The following FRMD4A variants were observed in gnomAD, a reference collection of about 807,000 sequenced individuals.
FRMD4A encodes FERM domain containing 4A, also known as FERM domain-containing protein 4A.
Under a neutral mutation model 129.1 loss-of-function variants are expected in FRMD4A, and 29 were observed. The ratio of observed to expected loss-of-function variants is 0.22; its 90% CI spans 0.17 to 0.31. The LOEUF (loss-of-function observed/expected upper bound fraction) is 0.31. Among genes scored for constraint, FRMD4A ranks in the 10% least tolerant of loss-of-function variants. The probability of loss-of-function intolerance (pLI) is 1.00; values close to 1 mark genes in which losing one functional copy is unlikely to be tolerated. For missense variants in FRMD4A, 1,272 were observed against 1,375.8 expected (o/e 0.92, Z 1.19); for synonymous variants, 634 against 571.6 (o/e 1.11, Z -1.56).
At position 14,039,368 on chromosome 10, in the gene FRMD4A, G is replaced by GTCCA. The variant is rs61121735; in HGVS notation, c.46-180460_46-180457dup. ...TGCTCACTTTCTGATCTGTCCGTCC[G>GTCCA]TCCATCCATCCATCCATCCATCCAT... On this transcript the variant is annotated intron_variant, in intron 2 of 24. Coordinates refer to ENST00000357447, the MANE Select transcript of FRMD4A (RefSeq NM_018027.5). Among the ~76,000 whole-genome samples the GTCCA allele has an allele frequency of 7.5e-3, 817 of 109,462 alleles. 16 individuals are homozygous for GTCCA. The highest frequency in any genetic ancestry group is 0.033 in the South Asian group (126 of 3,770). 71.8% of individuals were successfully genotyped at this position (109,462 alleles called of 152,430 possible).
chr10:13,688,006 G>A (rs1026638980), intron 15 of FRMD4A, among the ~76,000 whole-genome samples: 18 of 152,050 alleles, frequency 1.2e-4, no homozygotes, highest in African/African-American at 3.4e-4. Context: ...TCACTACTAC[G>A]GGATTCAGGG....
chr10:14,110,439 T>C (rs1481301865), intron 2 of FRMD4A, among the ~76,000 whole-genome samples: 1 of 152,138 alleles, frequency 6.6e-6, no homozygotes, highest in African/African-American at 2.4e-5. Flanking sequence ...AACAGCAAAC[T>C]TGAGAGATTT....
intron 14 of FRMD4A, among the ~76,000 whole-genome samples, chr10:13,697,123 G>A (rs999344652): frequency 2.7e-5 from 4 of 150,752 alleles, no homozygotes; most frequent in Admixed American, 1.3e-4. Flanking sequence ...ATTCCTGGAA[G>A]CCTTATGGAA....
At chr10:13,965,842 A>C (rs2095482144) in intron 2 of FRMD4A, among the ~76,000 whole-genome samples, 1 of 152,244 alleles carries the variant, frequency 6.6e-6, no homozygotes, top group Admixed American at 6.5e-5. Flanking sequence ...CTTGTGAAGA[A>C]GAGATCAAAG....
intron 2 of FRMD4A, among the ~76,000 whole-genome samples, chr10:14,050,545 AG>A (rs1834208815): frequency 2.6e-5 from 4 of 152,118 alleles, no homozygotes; most frequent in Admixed American, 2.6e-4. Flanking sequence ...AAGATCGTTA[AG>A]GGAGGCTCCA....
rs868254675 is a variant in FRMD4A, at chr10:13,680,437, A to G, written c.1118-5393T>C. ...TTGTGTTTAGCCCCTTGGAAATTAA[A>G]AAAAAAAGGGCTGGGTGTCGTGGCT... is the stretch of plus-strand genomic sequence containing the variant. On this transcript the variant is annotated intron_variant, in intron 15 of 24. Coordinates refer to ENST00000357447, the MANE Select transcript of FRMD4A (RefSeq NM_018027.5). Among the ~76,000 whole-genome samples the G allele has an allele frequency of 5.3e-5, 8 of 152,208 alleles. No individual in the cohort carries two copies. In the South Asian group the frequency reaches 6.2e-4, roughly 12 times the overall value.
rs539381847 is a variant in FRMD4A, at chr10:14,039,385, T to C, written c.46-180473A>G. The stretch of plus-strand genomic sequence containing the variant: ...GTCCGTCCGTCCATCCATCCATCCA[T>C]CCATCCATCCATCCATCCATCCATC... On this transcript the variant is annotated intron_variant, in intron 2 of 24. Transcript: ENST00000357447. Among the ~76,000 whole-genome samples the C allele has an allele frequency of 2.4e-5, 3 of 125,076 alleles. No individual in the cohort carries two copies. In the South Asian group the frequency reaches 7.0e-4, roughly 29 times the overall value. The allele number at this position is 125,076 out of a possible 152,430, so 82.1% of individuals were successfully genotyped here.
At chr10:14,232,684 A>T (rs1390030774) in intron 2 of FRMD4A, among the ~76,000 whole-genome samples, 2 of 152,128 alleles carry the variant, frequency 1.3e-5, no homozygotes, top group African/African-American at 2.4e-5. Flanking sequence ...CTTTTATTGC[A>T]ATTGTGAATG....
intron 2 of FRMD4A, among the ~76,000 whole-genome samples, chr10:13,942,653 A>G (rs11258740): frequency 0.17 from 25,176 of 152,246 alleles, 2,471 homozygotes; most frequent in Middle Eastern, 0.23. Context: ...AAAGAGATCT[A>G]GCCAGGCGTG....
At chr10:13,978,659 C>T (rs2095550330) in intron 2 of FRMD4A, among the ~76,000 whole-genome samples, 1 of 152,076 alleles carries the variant, frequency 6.6e-6, no homozygotes, top group South Asian at 2.1e-4. Flanking sequence ...GGAAAACGTC[C>T]CAGCTCCAAC....
chr10:13,703,102 T>G (rs1317272891), intron 13 of FRMD4A, among the ~76,000 whole-genome samples: 1 of 152,088 alleles, frequency 6.6e-6, no homozygotes, highest in Non-Finnish European at 1.5e-5. Flanking sequence ...GAATGACTTT[T>G]TTTTCCCCCC....
intron 2 of FRMD4A, among the ~76,000 whole-genome samples, chr10:13,955,665 C>T (rs1025336112): frequency 6.6e-6 from 1 of 152,200 alleles, no homozygotes; most frequent in African/African-American, 2.4e-5. Context: ...CCAGAAGTGG[C>T]GCCTGATGGC....
At chr10:14,251,252 T>C (rs917903421) in intron 2 of FRMD4A, among the ~76,000 whole-genome samples, 3 of 152,196 alleles carry the variant, frequency 2.0e-5, no homozygotes, top group Non-Finnish European at 4.4e-5. Context: ...TTCTGGGATT[T>C]GATTATAAAA....
chr10:13,849,271 T>C (rs983845777), intron 3 of FRMD4A, among the ~76,000 whole-genome samples: 14 of 152,144 alleles, frequency 9.2e-5, no homozygotes, highest in African/African-American at 3.4e-4. Flanking sequence ...CCCTTGGCTG[T>C]GACAGAAACT....
rs1459321878 is a variant in FRMD4A at position 13,840,713 on chromosome 10, AG to A, written c.111+18133del. On this transcript the variant is annotated intron_variant, in intron 3 of 24. Transcript: ENST00000357447. ...TGAGGCATGAGAATCGCTTGAACCC[AG>A]GGGGTGGAGGTTGCAGTGAGCTGAG... Among the ~76,000 whole-genome samples, 3 of 145,638 alleles carry A rather than the reference AG, an allele frequency of 2.1e-5. No individual in the cohort carries two copies. In the Admixed American group the frequency reaches 2.1e-4, roughly 10 times the overall value.
intron 2 of FRMD4A, among the ~76,000 whole-genome samples, chr10:14,039,403 C>CTATCTATCTATCTATCTATCTATCT (rs1565204547): frequency 5.7e-5 from 8 of 141,304 alleles, no homozygotes; most frequent in African/African-American, 2.4e-4. Flanking sequence ...TCCATCCATC[C>CTATCTATCTATCTATCTATCTATCT]ATCCATCTAT....
At chr10:14,099,758 TA>T (rs1433559822) in intron 2 of FRMD4A, among the ~76,000 whole-genome samples, 1 of 152,250 alleles carries the variant, frequency 6.6e-6, no homozygotes, top group Non-Finnish European at 1.5e-5. Flanking sequence ...AGAGATTAAA[TA>T]ACTTATAAAA....
intron 2 of FRMD4A, among the ~76,000 whole-genome samples, chr10:13,890,158 C>G (rs940114308): frequency 3.3e-5 from 5 of 152,190 alleles, no homozygotes; most frequent in African/African-American, 1.2e-4. Context: ...CTGTCCAAGT[C>G]CAAGTCACAC....
chr10:13,888,925 A>T (rs2094659882), intron 2 of FRMD4A, among the ~76,000 whole-genome samples: 1 of 152,262 alleles, frequency 6.6e-6, no homozygotes, highest in Non-Finnish European at 1.5e-5. Context: ...TCTAAGAACA[A>T]AGCTTTAGAT....
Sources: gnomAD v4.1 joint callset for allele counts (sites outside exome capture counted in the v4.1 genomes callset) on GRCh38, gnomAD v4.1.1 for gene constraint, MANE v1.5 for transcripts, NCBI Gene and HGNC (gene_info 2026-07-23, HGNC 2026-07-21) for gene names.